Variants in BMPR1A observed in about 807,000 individuals in gnomAD.
The protein encoded by BMPR1A is bone morphogenetic protein receptor type 1A.
A neutral mutation model predicts 66.0 loss-of-function variants in BMPR1A; 7 were observed. The observed-to-expected ratio is 0.11, with a 90% CI of 0.06 to 0.20. The LOEUF (loss-of-function observed/expected upper bound fraction) is 0.20. BMPR1A is among the 10% of genes least tolerant of loss of function. The pLI, the probability that BMPR1A is intolerant of heterozygous loss-of-function variation, is 1.00. For missense variants in BMPR1A, 408 were observed against 669.1 expected (o/e 0.61, Z 4.31); for synonymous variants, 200 against 229.7 (o/e 0.87, Z 1.17).
intron 1 of BMPR1A, among the ~76,000 whole-genome samples, chr10:86,771,625 T>G (rs1265518560): frequency 3.3e-5 from 5 of 152,218 alleles, no homozygotes; most frequent in Admixed American, 3.3e-4. Flanking sequence ...TATTGTCAAA[T>G]GGAGGAGGAG....
chr10:86,906,883 T>C (rs1274085824), intron 7 of BMPR1A, among the ~76,000 whole-genome samples: 1 of 152,208 alleles, frequency 6.6e-6, no homozygotes, highest in Non-Finnish European at 1.5e-5. Context: ...TTTTTCTCTT[T>C]GTATTTTAGT....
intron 4 of BMPR1A, 97 bp from the exon 5 acceptor site, chr10:86,892,030 A>T: frequency 1.1e-6 from 1 of 901,310 alleles, no homozygotes; most frequent in Non-Finnish European, 1.8e-6. Flanking sequence ...ACAAAGTATT[A>T]AAGGCCATCT....
intron 1 of BMPR1A, among the ~76,000 whole-genome samples, chr10:86,795,173 TA>T (rs1002888208): frequency 3.3e-5 from 5 of 151,996 alleles, no homozygotes; most frequent in African/African-American, 1.2e-4. Flanking sequence ...TTTTAATCTT[TA>T]TTTTTTTTTT....
At chr10:86,817,502 C>T (rs1309379072) in intron 1 of BMPR1A, among the ~76,000 whole-genome samples, 2 of 152,180 alleles carry the variant, frequency 1.3e-5, no homozygotes, top group East Asian at 1.9e-4. Context: ...TCCATGGATA[C>T]TTGGGTTACT....
chr10:86,872,342 A>T, intron 2 of BMPR1A, among the ~76,000 whole-genome samples: 1 of 152,268 alleles, frequency 6.6e-6, no homozygotes, highest in Middle Eastern at 3.4e-3. Flanking sequence ...TACATTATAT[A>T]ATATATATAA....
Position 86,876,067 on chromosome 10 carries a change from A to G in BMPR1A, c.49A>G (p.Ile17Val), listed in dbSNP as rs778886055. Residue 17 changes from isoleucine to valine, a missense_variant, in exon 3 of 13, where the codon ATC (isoleucine) becomes GTC (valine). Transcript: ENST00000372037. ...YIRLLGAYLF[I>V]ISRVQGQNLD... ...CAGATTATTGGGAGCCTATTTGTTC[A>G]TCATTTCTCGTGTTCAAGGTAAATC... The G allele has an allele frequency of 1.2e-6, 2 of 1,611,544 alleles. No individual in the cohort carries two copies. Among genetic ancestry groups the G allele is most frequent in the East Asian group, 4.5e-5 (2 of 44,828 alleles).
chr10:86,798,839 G>A (rs1237822608), intron 1 of BMPR1A, among the ~76,000 whole-genome samples: 1 of 152,232 alleles, frequency 6.6e-6, no homozygotes, highest in African/African-American at 2.4e-5. Flanking sequence ...GAAACTGTAA[G>A]CTCATGTGAG....
intron 3 of BMPR1A, chr10:86,889,857 G>A: frequency 1.6e-6 from 1 of 606,242 alleles, no homozygotes; most frequent in Non-Finnish European, 2.9e-6. Context: ...CTGTCTTCAT[G>A]TACCCCGCAA....
chr10:86,917,153 A>G lies in BMPR1A; in HGVS notation c.695A>G (p.Lys232Arg), dbSNP rs587781341. ...LPLLVQRTIA[K>R]QIQMVRQVGK... is the part of the protein sequence containing the mutation. The stretch of plus-strand genomic sequence containing the variant: ...ATAAAGGTTCAGCGAACTATTGCCA[A>G]ACAGATTCAGATGGTCCGGCAAGTT... Residue 232 changes from lysine to arginine, a missense_variant, in exon 9 of 13, where the codon AAA becomes AGA. Around this residue, in one of 5 missense-constraint regions of BMPR1A, gnomAD observed 174 missense variants for 265.1 expected, o/e 0.66. Transcript: ENST00000372037. 1.2e-6 allele frequency: 2 copies of G among 1,614,050 alleles called. No individual in the cohort carries two copies. The highest frequency in any genetic ancestry group is 1.1e-5 in the South Asian group (1 of 91,080).
chr10:86,891,285 C>G (rs924187910), intron 4 of BMPR1A, among the ~76,000 whole-genome samples: 1 of 152,198 alleles, frequency 6.6e-6, no homozygotes, highest in African/African-American at 2.4e-5. Context: ...AACTTCTTGT[C>G]TGTAGTACCT....
At chr10:86,820,470 C>A (rs1485951589) in intron 1 of BMPR1A, among the ~76,000 whole-genome samples, 1 of 149,954 alleles carries the variant, frequency 6.7e-6, no homozygotes, top group Admixed American at 6.7e-5. Context: ...GACTTCTTTT[C>A]TTCCTTCTCG....
At chr10:86,785,939 G>A (rs969662998) in intron 1 of BMPR1A, among the ~76,000 whole-genome samples, 2 of 152,270 alleles carry the variant, frequency 1.3e-5, no homozygotes, top group East Asian at 3.9e-4. Context: ...TATTCTCCCA[G>A]TGTGACCTAA....
At chr10:86,776,578 C>CAGAAAATTT (rs1276446748) in intron 1 of BMPR1A, among the ~76,000 whole-genome samples, 5 of 152,126 alleles carry the variant, frequency 3.3e-5, no homozygotes, top group Non-Finnish European at 7.4e-5. Context: ...CTGTTGCAGA[C>CAGAAAATTT]CCCCTTTCCT....
chr10:86,876,140 T>C, intron 3 of BMPR1A, 55 bp downstream of exon 3: 16 of 1,509,896 alleles, frequency 1.1e-5, no homozygotes, highest in Non-Finnish European at 1.5e-5. Flanking sequence ...GCACTATTTC[T>C]TGCTTCTGTT....
intron 2 of BMPR1A, among the ~76,000 whole-genome samples, chr10:86,862,081 C>T (rs1359814750): frequency 2.0e-5 from 3 of 152,202 alleles, no homozygotes. Context: ...GACTAACCCT[C>T]CTGGCCTCAT....
rs560063528 is a variant in BMPR1A at position 86,919,107 on chromosome 10, G to A, written c.869-65G>A. 8.9e-6 allele frequency: 14 copies of A among 1,580,670 alleles called. No individual in the cohort carries two copies. In the East Asian group the frequency reaches 3.1e-4, roughly 35 times the overall value. ...CTAAGTTTTTCTCAGTATCCAGAAT[G>A]AGCATTACTTCTCCCTAGCCTATCT... is the stretch of plus-strand genomic sequence containing the variant. On this transcript the variant is annotated intron_variant, in intron 9 of 12. Transcript: ENST00000372037.
chr10:86,870,922 T>G (rs886540459), intron 2 of BMPR1A, among the ~76,000 whole-genome samples: 2 of 152,188 alleles, frequency 1.3e-5, no homozygotes, highest in Non-Finnish European at 2.9e-5. Flanking sequence ...TACGTAGAAG[T>G]CAGATGATGC....
intron 2 of BMPR1A, among the ~76,000 whole-genome samples, chr10:86,844,833 A>G (rs1293385637): frequency 1.3e-5 from 2 of 152,098 alleles, no homozygotes; most frequent in South Asian, 2.1e-4. Context: ...CTGGAGTGCA[A>G]TGGCACAATC....
At chr10:86,854,628 G>T in intron 2 of BMPR1A, 1 of 166,222 alleles carries the variant, frequency 6.0e-6, no homozygotes, top group Non-Finnish European at 1.3e-5. Flanking sequence ...CCTGCTCCAA[G>T]ATTTGCTATG....
Sources: gnomAD v4.1 joint callset for allele counts (sites outside exome capture counted in the v4.1 genomes callset) on GRCh38, gnomAD v4.1.1 for gene constraint, gnomAD v4.1.1 regional missense constraint, MANE v1.5 for transcripts, NCBI Gene and HGNC (gene_info 2026-07-23, HGNC 2026-07-21) for gene names.